Variants in PLCB1 observed in about 807,000 individuals in gnomAD.
PLCB1 encodes phospholipase C beta 1.
PLCB1 carries 46 observed loss-of-function variants against 161.8 expected under a neutral mutation model. The observed-to-expected ratio is 0.28, with a 90% CI of 0.22 to 0.36. The LOEUF (loss-of-function observed/expected upper bound fraction) is 0.36. Among genes scored for constraint, PLCB1 ranks in the 10% least tolerant of loss-of-function variants. The pLI, the probability that PLCB1 is intolerant of heterozygous loss-of-function variation, is 1.00. For missense variants in PLCB1, 1,016 were observed against 1,472.5 expected, an observed-to-expected ratio of 0.69 and a Z score of 5.07; for synonymous variants, 517 against 503.7, an observed-to-expected ratio of 1.03 and a Z score of -0.35.
intron 10 of PLCB1, among the ~76,000 whole-genome samples, 159 bp from the exon 11 acceptor site, chr20:8,697,467 C>T (rs1278616201): frequency 6.6e-6 from 1 of 152,192 alleles, no homozygotes; most frequent in Non-Finnish European, 1.5e-5. Context: ...GAAATTGAGC[C>T]ATTACCTTCT....
At chr20:8,287,376 G>A (rs1239411814) in intron 2 of PLCB1, among the ~76,000 whole-genome samples, 1 of 152,104 alleles carries the variant, frequency 6.6e-6, no homozygotes, top group African/African-American at 2.4e-5. Context: ...TTTGTGATTA[G>A]AATAAAGAAG....
chr20:8,810,642 G>A, intron 31 of PLCB1, among the ~76,000 whole-genome samples: 1 of 152,140 alleles, frequency 6.6e-6, no homozygotes, highest in East Asian at 1.9e-4. Context: ...ATCCCAGGAG[G>A]TAGTTCTGGA....
chr20:8,351,423 G>A lies in PLCB1; in HGVS notation c.178-19959G>A, dbSNP rs988642036. 2.0e-5 allele frequency among the ~76,000 whole-genome samples: 3 copies of A among 152,032 alleles called. No homozygotes were observed. In the East Asian group the frequency reaches 5.8e-4, roughly 29 times the overall value. On this transcript the variant is annotated intron_variant, in intron 2 of 31. Coordinates refer to ENST00000338037, the MANE Select transcript of PLCB1 (RefSeq NM_015192.4). ...ATAGAATAAATTTTGTACAATCTTGGATTTGTGGATGAGTTTTTAGATACA... is the reference window on the plus strand; with the variant it reads ...ATAGAATAAATTTTGTACAATCTTGAATTTGTGGATGAGTTTTTAGATACA...
chr20:8,772,833 G>A (rs1368611931), intron 26 of PLCB1, among the ~76,000 whole-genome samples: 2 of 152,134 alleles, frequency 1.3e-5, no homozygotes, highest in African/African-American at 4.8e-5. Context: ...CGGAGGCTGA[G>A]GTAGGAGAAT....
chr20:8,623,397 C>T (rs1600200141), intron 3 of PLCB1, among the ~76,000 whole-genome samples: 1 of 152,286 alleles, frequency 6.6e-6, no homozygotes, highest in African/African-American at 2.4e-5. Flanking sequence ...CGCTTTATTT[C>T]AGATGAAGAT....
chr20:8,220,816 A>G (rs1979366423), intron 2 of PLCB1, among the ~76,000 whole-genome samples: 1 of 152,086 alleles, frequency 6.6e-6, no homozygotes, highest in Non-Finnish European at 1.5e-5. Context: ...AGTGTTCATT[A>G]TTTTTTCCTC....
chr20:8,403,640 G>A (rs1029686100), intron 3 of PLCB1, among the ~76,000 whole-genome samples: 4 of 151,694 alleles, frequency 2.6e-5, no homozygotes, highest in Non-Finnish European at 5.9e-5. Context: ...CGTACCTGTA[G>A]TCCCAGCTAC....
chr20:8,306,912 A>T (rs1984159311), intron 2 of PLCB1, among the ~76,000 whole-genome samples: 1 of 152,262 alleles, frequency 6.6e-6, no homozygotes, highest in Non-Finnish European at 1.5e-5. Flanking sequence ...AACTGAGCAC[A>T]TTCTTAACAA....
At chr20:8,295,168 G>A (rs1275014019) in intron 2 of PLCB1, among the ~76,000 whole-genome samples, 4 of 152,092 alleles carry the variant, frequency 2.6e-5, no homozygotes, top group Admixed American at 2.6e-4. Context: ...TGGTGGGTGT[G>A]TAGACAAAAC....
intron 10 of PLCB1, among the ~76,000 whole-genome samples, chr20:8,694,779 G>A (rs532176475): frequency 5.9e-5 from 9 of 152,288 alleles, no homozygotes; most frequent in South Asian, 2.1e-4. Flanking sequence ...AGTGATGTGC[G>A]TAAACAATTC....
chr20:8,220,679 A>T (rs1317147712), intron 2 of PLCB1, among the ~76,000 whole-genome samples: 1 of 152,226 alleles, frequency 6.6e-6, no homozygotes, highest in Non-Finnish European at 1.5e-5. Context: ...CTAGAGAAGG[A>T]ACATGGCCCT....
chr20:8,755,766 G>A (rs1981704096), intron 23 of PLCB1, among the ~76,000 whole-genome samples: 2 of 152,102 alleles, frequency 1.3e-5, no homozygotes, highest in South Asian at 4.1e-4. Flanking sequence ...TTTAAGAATA[G>A]GGCATACTAA....
At chr20:8,822,390 A>G (rs1481313664) in intron 31 of PLCB1, among the ~76,000 whole-genome samples, 2 of 152,186 alleles carry the variant, frequency 1.3e-5, no homozygotes, top group East Asian at 1.9e-4. Context: ...GTAGCCAGGA[A>G]CCCTGTGCTG....
intron 2 of PLCB1, among the ~76,000 whole-genome samples, chr20:8,320,830 A>AGAGG (rs145879094): frequency 3.8e-5 from 5 of 131,320 alleles, no homozygotes; most frequent in South Asian, 2.7e-4. Flanking sequence ...AGGGAGGGAG[A>AGAGG]GAGGGAGGGA....
chr20:8,389,280 T>C (rs1312744505), intron 3 of PLCB1, among the ~76,000 whole-genome samples: 2 of 152,230 alleles, frequency 1.3e-5, no homozygotes, highest in African/African-American at 4.8e-5. Flanking sequence ...TACAGTGAAC[T>C]GCATATGTGT....
intron 3 of PLCB1, among the ~76,000 whole-genome samples, chr20:8,550,501 G>T (rs1385308984): frequency 6.6e-6 from 1 of 152,088 alleles, no homozygotes; most frequent in Non-Finnish European, 1.5e-5. Context: ...ACCCTGTGAA[G>T]AGGTGCCTTC....
At chr20:8,626,197 A>G (rs866627009) in intron 3 of PLCB1, among the ~76,000 whole-genome samples, 26 of 146,482 alleles carry the variant, frequency 1.8e-4, no homozygotes, top group African/African-American at 6.8e-4. Context: ...AAAAAAAAAG[A>G]AAAGATATAT....
intron 2 of PLCB1, among the ~76,000 whole-genome samples, chr20:8,152,168 T>C (rs2051515414): frequency 6.6e-6 from 1 of 152,174 alleles, no homozygotes; most frequent in South Asian, 2.1e-4. Context: ...AGCCAAGAGA[T>C]AGAAATAGTA....
At chr20:8,737,880 T>C (rs1298300120) in intron 20 of PLCB1, among the ~76,000 whole-genome samples, 1 of 152,262 alleles carries the variant, frequency 6.6e-6, no homozygotes, top group Non-Finnish European at 1.5e-5. Context: ...CTGAGTTTAA[T>C]AATAATGCTT....
Sources: gnomAD v4.1 joint callset for allele counts (sites outside exome capture counted in the v4.1 genomes callset) on GRCh38, gnomAD v4.1.1 for gene constraint, MANE v1.5 for transcripts, NCBI Gene and HGNC (gene_info 2026-07-23, HGNC 2026-07-21) for gene names.